LDLRAD4: variants seen among roughly 807,000 people sequenced by gnomAD.
The protein encoded by LDLRAD4 is low density lipoprotein receptor class A domain containing 4.
In LDLRAD4, 5 loss-of-function variants were observed where a neutral mutation model predicts 17.0. The ratio of observed to expected loss-of-function variants is 0.29; its 90% confidence interval spans 0.15 to 0.62. The LOEUF (loss-of-function observed/expected upper bound fraction) is 0.62. Ranked by LOEUF, LDLRAD4 falls within the 20% of genes least tolerant of loss-of-function variation. LDLRAD4 has a pLI of 0.84. For missense variants in LDLRAD4, 340 were observed against 424.7 expected, an observed-to-expected ratio of 0.80 and a Z score of 1.75; for synonymous variants, 168 against 171.8, an observed-to-expected ratio of 0.98 and a Z score of 0.17.
At chr18:13,357,160 A>C (rs1015814161) in intron 1 of LDLRAD4, among the ~76,000 whole-genome samples, 1 of 152,146 alleles carries the variant, frequency 6.6e-6, no homozygotes, top group Non-Finnish European at 1.5e-5. Context: ...AAAAAAACAA[A>C]AACAACAACA....
intron 3 of LDLRAD4, among the ~76,000 whole-genome samples, chr18:13,564,753 C>T (rs894395722): frequency 2.0e-5 from 3 of 152,152 alleles, no homozygotes; most frequent in African/African-American, 7.2e-5. Context: ...CCCTTCATTG[C>T]CTTGGCAGTG....
At chr18:13,631,900 C>A (rs894161759) in intron 4 of LDLRAD4, among the ~76,000 whole-genome samples, 4 of 152,038 alleles carry the variant, frequency 2.6e-5, no homozygotes. Context: ...GTACTCCAGC[C>A]TGGAAGACAG....
intron 1 of LDLRAD4, among the ~76,000 whole-genome samples, chr18:13,226,953 G>A (rs2041843133): frequency 6.6e-6 from 1 of 152,114 alleles, no homozygotes; most frequent in African/African-American, 2.4e-5. Flanking sequence ...GCACCTGGCT[G>A]TCTGGATAGC....
chr18:13,248,077 C>A (rs555501171), intron 1 of LDLRAD4, among the ~76,000 whole-genome samples: 5 of 151,942 alleles, frequency 3.3e-5, no homozygotes, highest in African/African-American at 1.2e-4. Context: ...TCTACTGCCT[C>A]AGCCTCCTGA....
At chr18:13,539,009 T>C (rs2094238427) in intron 3 of LDLRAD4, among the ~76,000 whole-genome samples, 1 of 152,200 alleles carries the variant, frequency 6.6e-6, no homozygotes, top group Admixed American at 6.5e-5. Flanking sequence ...TAATGAGAAA[T>C]TCAGTTTCCT....
At chr18:13,370,979 G>A (rs923207766) in intron 1 of LDLRAD4, among the ~76,000 whole-genome samples, 1 of 152,090 alleles carries the variant, frequency 6.6e-6, no homozygotes. Flanking sequence ...AAAGTGCTGG[G>A]TTTATAGGCA....
chr18:13,334,936 G>A (rs187991495), intron 1 of LDLRAD4, among the ~76,000 whole-genome samples: 1 of 152,192 alleles, frequency 6.6e-6, no homozygotes, highest in Admixed American at 6.5e-5. Context: ...GTTTTTAATT[G>A]ATAAACTTAG....
chr18:13,363,129 G>A (rs113452128), intron 1 of LDLRAD4, among the ~76,000 whole-genome samples: 2,090 of 152,144 alleles, frequency 0.014, 32 homozygotes, highest in Middle Eastern at 0.034. Context: ...AGCAGATTGA[G>A]ACCATCCTGG....
upstream of LDLRAD4, among the ~76,000 whole-genome samples, chr18:13,275,902 T>C (rs1396879434): frequency 6.6e-6 from 1 of 152,222 alleles, no homozygotes; most frequent in East Asian, 1.9e-4. Flanking sequence ...CCACTTTTGG[T>C]AGATGAGGCA....
intron 1 of LDLRAD4, among the ~76,000 whole-genome samples, chr18:13,371,459 G>A (rs143038929): frequency 5.3e-5 from 8 of 152,288 alleles, no homozygotes; most frequent in African/African-American, 1.9e-4. Flanking sequence ...GTCCACTAGG[G>A]AGGCTGAGTA....
intron 1 of LDLRAD4, among the ~76,000 whole-genome samples, chr18:13,324,391 C>T (rs571387730): frequency 6.6e-6 from 1 of 152,162 alleles, no homozygotes; most frequent in South Asian, 2.1e-4. Context: ...ATCCGCCTGC[C>T]TTGGCCTCCC....
chr18:13,554,988 G>T (rs188520135), intron 3 of LDLRAD4, among the ~76,000 whole-genome samples: 144 of 152,302 alleles, frequency 9.5e-4, no homozygotes, highest in Non-Finnish European at 1.7e-3. Context: ...TCTACCCTGT[G>T]GCCCTCCTCT....
At chr18:13,590,920 C>T (rs1007769153) in intron 3 of LDLRAD4, among the ~76,000 whole-genome samples, 2 of 152,128 alleles carry the variant, frequency 1.3e-5, no homozygotes, top group East Asian at 3.8e-4. Flanking sequence ...TGAGTTGGTG[C>T]CCTTGAGGCT....
intron 3 of LDLRAD4, among the ~76,000 whole-genome samples, chr18:13,447,308 G>C (rs955606467): frequency 4.6e-5 from 7 of 152,150 alleles, no homozygotes; most frequent in Non-Finnish European, 7.3e-5. Context: ...GGTTCTGTGG[G>C]ATGAGCCCCA....
intron 1 of LDLRAD4, among the ~76,000 whole-genome samples, chr18:13,322,320 G>C (rs1209979136): frequency 1.0e-5 from 1 of 100,244 alleles, no homozygotes; most frequent in Admixed American, 1.3e-4. Context: ...TTGGTTTTGA[G>C]ACAGAGTCTT....
intron 1 of LDLRAD4, among the ~76,000 whole-genome samples, chr18:13,375,476 G>A (rs564023148): frequency 6.6e-5 from 10 of 152,330 alleles, no homozygotes; most frequent in Admixed American, 2.0e-4. Flanking sequence ...TCGGCAGTGC[G>A]AGTGAGTCAC....
chr18:13,611,155 GTGACGTGCTGGGC>G (rs1367068218), intron 3 of LDLRAD4: 1 of 154,460 alleles, frequency 6.5e-6, no homozygotes, highest in East Asian at 1.9e-4. Context: ...CATGCCCCAG[GTGACGTGCTGGGC>G]TGACAGCAGG....
At chr18:13,496,491 TC>T (rs1568254045) in intron 3 of LDLRAD4, among the ~76,000 whole-genome samples, 1 of 152,146 alleles carries the variant, frequency 6.6e-6, no homozygotes, top group Non-Finnish European at 1.5e-5. Context: ...CCTAAATCTT[TC>T]GTGTGGAAGT....
chr18:13,634,926 C>G (rs546287662), intron 4 of LDLRAD4, among the ~76,000 whole-genome samples: 1 of 152,158 alleles, frequency 6.6e-6, no homozygotes, highest in Admixed American at 6.5e-5. Context: ...GAGATAAACC[C>G]TCAAATATAT....
Sources: allele counts gnomAD v4.1 joint callset (sites outside exome capture counted in the v4.1 genomes callset), GRCh38; gene constraint gnomAD v4.1.1; transcripts MANE v1.5; gene names NCBI Gene and HGNC (gene_info 2026-07-23, HGNC 2026-07-21).